KCNIP1: variants seen among roughly 807,000 people sequenced by gnomAD.
The protein encoded by KCNIP1 is potassium voltage-gated channel interacting protein 1, also known as A-type potassium channel modulatory protein KCNIP1.
Under a neutral mutation model 33.0 loss-of-function variants are expected in KCNIP1, and 18 were observed. That is an observed-to-expected ratio of 0.55 (90% CI 0.38 to 0.81). The LOEUF (loss-of-function observed/expected upper bound fraction) is 0.81. KCNIP1 is among the 30% of genes least tolerant of loss of function. The pLI, the probability that KCNIP1 is intolerant of heterozygous loss-of-function variation, is 0.00. For synonymous variants in KCNIP1, 93 were observed against 98.3 expected (o/e 0.95, Z 0.32); for missense variants, 238 against 271.6 (o/e 0.88, Z 0.87).
intron 1 of KCNIP1, among the ~76,000 whole-genome samples, chr5:170,494,292 C>G (rs1477476726): frequency 6.6e-6 from 1 of 152,198 alleles, no homozygotes; most frequent in Non-Finnish European, 1.5e-5. Flanking sequence ...AATTAGCTCC[C>G]CCCAGCACCA....
intron 1 of KCNIP1, among the ~76,000 whole-genome samples, chr5:170,693,824 G>A (rs1219259612): frequency 6.6e-6 from 1 of 152,220 alleles, no homozygotes; most frequent in African/African-American, 2.4e-5. Context: ...AGAAAGTGGA[G>A]GGGGTCTGAG....
chr5:170,495,449 A>G (rs982370642), intron 1 of KCNIP1, among the ~76,000 whole-genome samples: 1 of 152,198 alleles, frequency 6.6e-6, no homozygotes, highest in Non-Finnish European at 1.5e-5. Flanking sequence ...TGCTCCTGCT[A>G]CACACAGAGG....
intron 5 of KCNIP1, among the ~76,000 whole-genome samples, chr5:170,729,381 T>A (rs2113890646): frequency 1.3e-5 from 2 of 152,196 alleles, no homozygotes; most frequent in South Asian, 4.1e-4. Context: ...TCAGTAGACA[T>A]TCATCTTAAC....
intron 1 of KCNIP1, among the ~76,000 whole-genome samples, chr5:170,451,380 C>G (rs1169098497): frequency 6.6e-6 from 1 of 152,086 alleles, no homozygotes; most frequent in Non-Finnish European, 1.5e-5. Context: ...TGAACCCTCC[C>G]TAGTCACTTA....
At chr5:170,505,196 C>A (rs1230654796) in intron 1 of KCNIP1, among the ~76,000 whole-genome samples, 1 of 152,170 alleles carries the variant, frequency 6.6e-6, no homozygotes, top group Non-Finnish European at 1.5e-5. Context: ...GGAGGAGCAA[C>A]CGTGAAGGGC....
chr5:170,445,266 C>G (rs1013137599), intron 1 of KCNIP1, among the ~76,000 whole-genome samples: 1 of 152,162 alleles, frequency 6.6e-6, no homozygotes, highest in African/African-American at 2.4e-5. Context: ...TCACTGTTGT[C>G]TCCAATTGCC....
chr5:170,385,288 G>C (rs754692679), intron 1 of KCNIP1: 11 of 1,613,636 alleles, frequency 6.8e-6, no homozygotes, highest in African/African-American at 1.3e-5. Flanking sequence ...GGGTTGGGGG[G>C]TGGGCAGGCC....
chr5:170,645,391 T>C (rs1185222037), intron 1 of KCNIP1, among the ~76,000 whole-genome samples: 2 of 152,152 alleles, frequency 1.3e-5, no homozygotes, highest in Non-Finnish European at 2.9e-5. Flanking sequence ...TATTACATAA[T>C]AACAAAGGTG....
chr5:170,708,560 A>G (rs1763338257), intron 1 of KCNIP1, among the ~76,000 whole-genome samples: 1 of 152,196 alleles, frequency 6.6e-6, no homozygotes. Flanking sequence ...GTTCAAAATT[A>G]CCATGATTTA....
At position 170,620,061 on chromosome 5, in the gene KCNIP1, G is replaced by A. The variant is rs375894990; in HGVS notation, c.62-98697G>A. Among the ~76,000 whole-genome samples, 22 of 152,330 alleles carry A rather than the reference G, an allele frequency of 1.4e-4. No individual in the cohort carries two copies. The South Asian group carries it at 1.7e-3, about 11-fold the overall frequency. On this transcript the variant is annotated intron_variant, in intron 1 of 7. Transcript: ENST00000328939. The stretch of plus-strand genomic sequence containing the variant: ...ATGAGCTACAAACTTCTCAGTCTCC[G>A]TTGACTCATCTCAAAAATGGAAGTA...
chr5:170,665,572 A>T (rs1377698288), intron 1 of KCNIP1, among the ~76,000 whole-genome samples: 5 of 152,244 alleles, frequency 3.3e-5, no homozygotes, highest in Non-Finnish European at 7.3e-5. Context: ...CCCCATTGGT[A>T]ACAGCTTAGG....
At chr5:170,702,139 C>T (rs1227678478) in intron 1 of KCNIP1, among the ~76,000 whole-genome samples, 4 of 152,246 alleles carry the variant, frequency 2.6e-5, no homozygotes, top group East Asian at 3.8e-4. Flanking sequence ...CCATTCACAG[C>T]TCCATCCCCA....
intron 1 of KCNIP1, among the ~76,000 whole-genome samples, chr5:170,608,027 C>T (rs1464322718): frequency 6.6e-6 from 1 of 152,164 alleles, no homozygotes; most frequent in Non-Finnish European, 1.5e-5. Flanking sequence ...TCTCTCACTG[C>T]CCTGAAGGCT....
intron 5 of KCNIP1, among the ~76,000 whole-genome samples, chr5:170,731,901 A>C (rs866179896): frequency 1.0e-4 from 2 of 19,550 alleles, no homozygotes; most frequent in Non-Finnish European, 2.2e-4. Flanking sequence ...AAAAAAAAAA[A>C]AGAAAAGCTG....
At chr5:170,720,867 C>T (rs946987486) in intron 3 of KCNIP1, among the ~76,000 whole-genome samples, 1 of 152,154 alleles carries the variant, frequency 6.6e-6, no homozygotes, top group South Asian at 2.1e-4. Flanking sequence ...CAGTAAATAC[C>T]GAAGACTATA....
Position 170,417,755 on chromosome 5 carries a change from A to T in KCNIP1, c.88+63791A>T, listed in dbSNP as rs1389096227. 2.6e-5 allele frequency among the ~76,000 whole-genome samples: 4 copies of T among 152,332 alleles called. No homozygotes were observed. The East Asian group carries it at 7.7e-4, about 29-fold the overall frequency. ...TGATCATGAGTCAAATCACCTGAAC[A>T]TAGAGTAGCATCTGCTTCCTGTTGA... On this transcript the variant is annotated intron_variant, in intron 1 of 7. Coordinates refer to the KCNIP1 transcript ENST00000377360.
At chr5:170,690,633 C>A (rs566198665) in intron 1 of KCNIP1, among the ~76,000 whole-genome samples, 1 of 152,352 alleles carries the variant, frequency 6.6e-6, no homozygotes, top group East Asian at 1.9e-4. Context: ...TTCCACGTCA[C>A]ATGATTAGGA....
intron 1 of KCNIP1, among the ~76,000 whole-genome samples, chr5:170,697,560 A>G (rs1285322431): frequency 6.6e-6 from 1 of 152,194 alleles, no homozygotes; most frequent in Non-Finnish European, 1.5e-5. Context: ...AGTCCCCCAG[A>G]GGTTAATGCC....
At chr5:170,355,582 C>T (rs552927695) in intron 1 of KCNIP1, among the ~76,000 whole-genome samples, 36 of 152,202 alleles carry the variant, frequency 2.4e-4, no homozygotes, top group African/African-American at 8.7e-4. Flanking sequence ...GGTCAACAGG[C>T]ATAGAGAAGA....
Sources: gnomAD v4.1 joint callset for allele counts (sites outside exome capture counted in the v4.1 genomes callset) on GRCh38, gnomAD v4.1.1 for gene constraint, MANE v1.5 for transcripts, NCBI Gene and HGNC (gene_info 2026-07-23, HGNC 2026-07-21) for gene names.